The following CDK14 variants were observed in gnomAD, a reference collection of about 807,000 sequenced individuals.
CDK14 encodes the protein cyclin dependent kinase 14.
CDK14 carries 34 observed loss-of-function variants against 60.7 expected under a neutral mutation model. The observed-to-expected ratio is 0.56, with a 90% CI of 0.43 to 0.75. The LOEUF (loss-of-function observed/expected upper bound fraction) is 0.75, where lower values mean the gene tolerates loss of function less well. CDK14 is among the 30% of genes least tolerant of loss of function. The pLI, the probability that CDK14 is intolerant of heterozygous loss-of-function variation, is 0.00. For synonymous variants in CDK14, 197 were observed against 203.7 expected (o/e 0.97, Z 0.28); for missense variants, 482 against 564.1 (o/e 0.85, Z 1.47).
At chr7:90,692,309 T>C (rs1801569479) in intron 2 of CDK14, among the ~76,000 whole-genome samples, 1 of 152,184 alleles carries the variant, frequency 6.6e-6, no homozygotes, top group African/African-American at 2.4e-5. Flanking sequence ...CATTTCTATA[T>C]TCCAAGGACT....
chr7:91,102,152 T>C (rs1799162797), intron 12 of CDK14, among the ~76,000 whole-genome samples: 2 of 152,174 alleles, frequency 1.3e-5, no homozygotes, highest in Admixed American at 6.5e-5. Flanking sequence ...AGATGTGCAC[T>C]GTCAATTGAA....
intron 5 of CDK14, among the ~76,000 whole-genome samples, chr7:90,855,923 G>A (rs978892017): frequency 6.6e-6 from 1 of 152,104 alleles, no homozygotes; most frequent in African/African-American, 2.4e-5. Flanking sequence ...TAAGGAAGGG[G>A]GAAATGGTTT....
At chr7:90,784,989 C>G (rs1448982933) in intron 4 of CDK14, among the ~76,000 whole-genome samples, 1 of 152,082 alleles carries the variant, frequency 6.6e-6, no homozygotes, top group East Asian at 1.9e-4. Context: ...TGTCCTTGCC[C>G]TACTCCAGCA....
intron 5 of CDK14, among the ~76,000 whole-genome samples, chr7:90,839,499 C>T (rs999776445): frequency 6.6e-6 from 1 of 152,128 alleles, no homozygotes; most frequent in Non-Finnish European, 1.5e-5. Context: ...TTCCTCCCAC[C>T]CCATCTGTTC....
In CDK14 at chr7:91,044,196, T is replaced by A. The variant is rs117123395; in HGVS notation, c.1042-1701T>A. Reference sequence around the variant, plus strand: ...GAAACATGCGACATCAATCAATACATGTAAGATGTATATTGGTTCAGTCCA... The same window carrying A: ...GAAACATGCGACATCAATCAATACAAGTAAGATGTATATTGGTTCAGTCCA... On this transcript the variant is annotated intron_variant, in intron 10 of 14. Coordinates refer to ENST00000380050, the MANE Select transcript of CDK14 (RefSeq NM_001287135.2). Among the ~76,000 whole-genome samples, 1,135 of 151,814 alleles carry A rather than the reference T, an allele frequency of 7.5e-3. 3 individuals are homozygous for A. The highest frequency in any genetic ancestry group is 0.013 in the Non-Finnish European group (853 of 67,678).
At chr7:90,812,321 C>G (rs1789157347) in intron 5 of CDK14, among the ~76,000 whole-genome samples, 1 of 152,128 alleles carries the variant, frequency 6.6e-6, no homozygotes, top group African/African-American at 2.4e-5. Context: ...TTTGTATGGA[C>G]ATGGATGAAG....
intron 2 of CDK14, among the ~76,000 whole-genome samples, chr7:90,657,232 T>C (rs1361695596): frequency 6.6e-6 from 1 of 152,192 alleles, no homozygotes; most frequent in African/African-American, 2.4e-5. Context: ...TTTTGGGCTA[T>C]TGAATAGCCC....
At chr7:90,700,122 T>A (rs2116611776) in intron 2 of CDK14, among the ~76,000 whole-genome samples, 1 of 152,068 alleles carries the variant, frequency 6.6e-6, no homozygotes, top group African/African-American at 2.4e-5. Flanking sequence ...TAGGAAAAAA[T>A]ATGTCTCTGT....
chr7:91,150,707 T>C (rs1351771464), intron 14 of CDK14, among the ~76,000 whole-genome samples: 1 of 152,218 alleles, frequency 6.6e-6, no homozygotes, highest in Non-Finnish European at 1.5e-5. Context: ...AGGAAAACTA[T>C]TTTCAAGCAT....
chr7:90,776,113 A>G (rs193153358), intron 4 of CDK14, among the ~76,000 whole-genome samples: 1 of 152,274 alleles, frequency 6.6e-6, no homozygotes, highest in East Asian at 1.9e-4. Flanking sequence ...GTAAACAACT[A>G]CTTTTTACCT....
At chr7:90,944,219 T>C (rs1486438296) in intron 8 of CDK14, among the ~76,000 whole-genome samples, 1 of 152,186 alleles carries the variant, frequency 6.6e-6, no homozygotes, top group African/African-American at 2.4e-5. Context: ...TTTTTCTTTA[T>C]AAATGACTCA....
intron 2 of CDK14, among the ~76,000 whole-genome samples, chr7:90,608,076 TAG>T (rs1045121249): frequency 6.6e-6 from 1 of 152,192 alleles, no homozygotes; most frequent in African/African-American, 2.4e-5. Flanking sequence ...ATAATGTTTC[TAG>T]TGACATTGTG....
chr7:91,202,844 C>G (rs920653305), intron 14 of CDK14, among the ~76,000 whole-genome samples: 1 of 152,206 alleles, frequency 6.6e-6, no homozygotes, highest in Non-Finnish European at 1.5e-5. Context: ...CAAACCTAAT[C>G]ACTGTGTTCA....
At position 91,049,060 on chromosome 7, in the gene CDK14, T is replaced by C. The variant is rs560160144; in HGVS notation, c.1105+3100T>C. On this transcript the variant is annotated intron_variant, in intron 11 of 14. Coordinates refer to ENST00000380050, the MANE Select transcript of CDK14 (RefSeq NM_001287135.2). ...GTCTGGCTATTTTTTTTTTTAATAT[T>C]TTGTAGAGATAGGGGTCTTGCTATG... 4.6e-5 allele frequency among the ~76,000 whole-genome samples: 7 copies of C among 151,938 alleles called. No homozygotes were observed. In the South Asian group the frequency reaches 1.5e-3, roughly 32 times the overall value.
chr7:90,719,643 T>C (rs1257381846), intron 2 of CDK14, among the ~76,000 whole-genome samples: 1 of 152,212 alleles, frequency 6.6e-6, no homozygotes, highest in Non-Finnish European at 1.5e-5. Context: ...AATTAATCGC[T>C]TCAGATGAAT....
intron 2 of CDK14, among the ~76,000 whole-genome samples, chr7:90,648,548 T>C (rs17866845): frequency 0.016 from 2,367 of 152,170 alleles, 88 homozygotes; most frequent in African/African-American, 0.052. Context: ...AGGGAATGAC[T>C]ACCTTCTGGC....
In CDK14 at chr7:90,870,394, T is replaced by C. The variant is rs144335902; in HGVS notation, c.639+7125T>C. The stretch of plus-strand genomic sequence containing the variant: ...ATGAGGAAAAATAACTAATGGATAC[T>C]AGGCTTAACACCTAGGTGATGAAAT... On this transcript the variant is annotated intron_variant, in intron 6 of 14. Transcript: ENST00000380050. Among the ~76,000 whole-genome samples the C allele has an allele frequency of 5.0e-3, 761 of 152,278 alleles. 4 individuals carry two copies. The highest frequency in any genetic ancestry group is 0.014 in the Middle Eastern group (4 of 294).
At chr7:90,613,329 G>A (rs1411853728) in intron 2 of CDK14, among the ~76,000 whole-genome samples, 1 of 152,200 alleles carries the variant, frequency 6.6e-6, no homozygotes, top group Non-Finnish European at 1.5e-5. Context: ...AGGCTGTATA[G>A]CCTGTAGGAA....
intron 2 of CDK14, among the ~76,000 whole-genome samples, chr7:90,635,592 T>G (rs1047250878): frequency 3.9e-5 from 6 of 152,100 alleles, no homozygotes; most frequent in Non-Finnish European, 7.4e-5. Context: ...TGTTCTTTTG[T>G]CTTAGGATTG....
Sources: allele counts gnomAD v4.1 joint callset (sites outside exome capture counted in the v4.1 genomes callset), GRCh38; gene constraint gnomAD v4.1.1; transcripts MANE v1.5; gene names NCBI Gene and HGNC (gene_info 2026-07-23, HGNC 2026-07-21).